Variants in BLOC1S1 observed in about 807,000 individuals in gnomAD.
BLOC1S1 encodes the protein biogenesis of lysosomal organelles complex 1 subunit 1, also known as biogenesis of lysosome-related organelles complex 1 subunit 1.
BLOC1S1 carries 11 observed loss-of-function variants against 19.0 expected under a neutral mutation model. The observed-to-expected ratio is 0.58, with a 90% CI of 0.37 to 0.96. The LOEUF is 0.96. Ranked by LOEUF, BLOC1S1 falls within the 40% of genes least tolerant of loss-of-function variation. The probability of loss-of-function intolerance (pLI) is 0.01; values close to 1 mark genes in which losing one functional copy is unlikely to be tolerated. For synonymous variants in BLOC1S1, 94 were observed against 76.4 expected (o/e 1.23, Z -1.20); for missense variants, 220 against 195.9 (o/e 1.12, Z -0.73).
chr12:55,718,291 T>TCTC (rs1460250683), intron 2 of BLOC1S1, among the ~76,000 whole-genome samples: 1 of 152,044 alleles, frequency 6.6e-6, no homozygotes, highest in African/African-American at 2.4e-5. Context: ...GGATGTGGAA[T>TCTC]CTCCTGGCTG....
In BLOC1S1 at chr12:55,719,091, T is replaced by C. The variant is rs760320006; in HGVS notation, c.219T>C (p.Gly73=). 2 of 1,613,652 alleles carry C rather than the reference T, an allele frequency of 1.2e-6. No homozygotes were observed. The highest frequency in any genetic ancestry group is 2.2e-5 in the South Asian group (2 of 91,048). Residue 73 remains glycine, a splice_region_variant and synonymous_variant, in exon 3 of 4, where the codon GGT becomes GGC. Transcript: ENST00000548925. ...TEALVDHLNV[G]VAQAYMNQRK... is the part of the protein sequence containing the mutation. Reference sequence around the variant, plus strand: ...TCTCCTCCCTCCTCCAACCCCCCAGTGTGGCCCAGGCCTACATGAACCAGA... The same window carrying C: ...TCTCCTCCCTCCTCCAACCCCCCAGCGTGGCCCAGGCCTACATGAACCAGA...
rs1194420392 is a variant in BLOC1S1, at chr12:55,719,181, C to T, written c.309C>T (p.Gly103=). The T allele has an allele frequency of 1.9e-6, 3 of 1,613,914 alleles. No individual in the cohort carries two copies. Among genetic ancestry groups the T allele is most frequent in the East Asian group, 2.2e-5 (1 of 44,830 alleles). The change falls in exon 3 of 4, where the codon GGC becomes GGT. Residue 103 remains glycine, a synonymous_variant. Transcript: ENST00000548925. ...CTGCCCAATTTGCCAAGCAGACAGG[C>T]CAGTGGATCGGAATGGTGGAGAACT... ...VQAAQFAKQT[G]QWIGMVENFN...
At chr12:55,717,409 G>A (rs931625442) in intron 2 of BLOC1S1, among the ~76,000 whole-genome samples, 17 of 152,304 alleles carry the variant, frequency 1.1e-4, no homozygotes, top group Admixed American at 6.5e-4. Context: ...CAGCTGGCAG[G>A]AAAGAGATGG....
At chr12:55,719,429 T>C in intron 3 of BLOC1S1, 70 bp from the exon 4 acceptor site, 4 of 1,472,316 alleles carry the variant, frequency 2.7e-6, no homozygotes, top group Non-Finnish European at 3.8e-6. Context: ...ATAAAACGTA[T>C]TCCCCAGACT....
intron 2 of BLOC1S1, among the ~76,000 whole-genome samples, chr12:55,718,525 T>C (rs1876743963): frequency 6.6e-6 from 1 of 152,076 alleles, no homozygotes; most frequent in African/African-American, 2.4e-5. Flanking sequence ...TGTTTGTGTG[T>C]GTTCCTTGAT....
intron 1 of BLOC1S1, chr12:55,716,549 G>A (rs1876554638): frequency 8.2e-7 from 1 of 1,216,694 alleles, no homozygotes; most frequent in Non-Finnish European, 1.0e-6. Context: ...GAACCCCCCA[G>A]AGATGGGCTT....
Position 55,716,182 on chromosome 12 carries a change from G to A in BLOC1S1, c.131G>A (p.Arg44His). Residue 44 changes from arginine to histidine, a missense_variant, in exon 1 of 4, where the codon CGC (arginine) becomes CAC (histidine). Physicochemically the swap from Arg to His is conservative, Grantham distance 29. Transcript: ENST00000548925. ...LKEHQAKQNE[R>H]KELQEKRRRE... is the part of the protein sequence containing the mutation. ...GAACACCAGGCCAAGCAGAATGAAC[G>A]CAAGGAGCTGCAGGGTGAGCCAAAT... 1 of 1,610,500 alleles carries A rather than the reference G, an allele frequency of 6.2e-7. No homozygotes were observed. The highest frequency in any genetic ancestry group is 1.7e-5 in the Admixed American group (1 of 59,596).
intron 1 of BLOC1S1, chr12:55,716,413 C>T: frequency 1.4e-6 from 2 of 1,383,372 alleles, no homozygotes; most frequent in Non-Finnish European, 1.9e-6. Context: ...CCCTCGGCAA[C>T]GCCCCCAATC....
At chr12:55,716,862 G>A (rs905090985) in intron 1 of BLOC1S1, 71 bp from the exon 2 acceptor site, 10 of 1,445,118 alleles carry the variant, frequency 6.9e-6, no homozygotes, top group Admixed American at 4.8e-5. Context: ...TAATGGATGG[G>A]TAGGGAACCT....
chr12:55,719,213 A>G lies in BLOC1S1; in HGVS notation c.341A>G (p.Gln114Arg), dbSNP rs1227501994. Reference sequence around the variant, plus strand: ...ATCGGAATGGTGGAGAACTTCAACCAGGCACTCAAGGTGGGCCATACTCCC... The same window carrying G: ...ATCGGAATGGTGGAGAACTTCAACCGGGCACTCAAGGTGGGCCATACTCCC... ...QWIGMVENFNQALKEIGDVEN... is the reference protein window; with the variant it reads ...QWIGMVENFNRALKEIGDVEN... The change falls in exon 3 of 4, where the codon CAG (glutamine) becomes CGG (arginine). Residue 114 changes from glutamine to arginine, a missense_variant. By Grantham distance (43) the Gln-to-Arg change is conservative. Coordinates refer to ENST00000548925, the MANE Select transcript of BLOC1S1 (RefSeq NM_001487.4). 6.2e-7 allele frequency: 1 copy of G among 1,613,870 alleles called. No homozygotes were observed. Among genetic ancestry groups the G allele is most frequent in the East Asian group, 2.2e-5 (1 of 44,846 alleles).
In BLOC1S1 at chr12:55,719,650, C is replaced by CT; in HGVS notation, c.*41_*42insT. 1 of 1,551,614 alleles carries CT rather than the reference C, an allele frequency of 6.4e-7. No homozygotes were observed. The highest frequency in any genetic ancestry group is 8.9e-7 in the Non-Finnish European group (1 of 1,125,052). ...CCAACCCTATCCCTCCTACCTCACC[C>CT]GCAGGGGGAAGGAGGGAGGCTGACA... is the stretch of plus-strand genomic sequence containing the variant. On this transcript the variant is annotated 3_prime_UTR_variant, in exon 4 of 4. Transcript: ENST00000548925.
At chr12:55,716,500 C>T in intron 1 of BLOC1S1, 1 of 1,239,336 alleles carries the variant, frequency 8.1e-7, no homozygotes, top group Non-Finnish European at 1.0e-6. Context: ...CTCGTCCTGG[C>T]GGCGGGAAGG....
In BLOC1S1 at chr12:55,719,172, G is replaced by A; in HGVS notation, c.300G>A (p.Lys100=). 1 of 1,613,968 alleles carries A rather than the reference G, an allele frequency of 6.2e-7. No homozygotes were observed. Residue 100 remains lysine (K), a synonymous_variant, in exon 3 of 4, where the codon AAG becomes AAA. Coordinates refer to ENST00000548925, the MANE Select transcript of BLOC1S1 (RefSeq NM_001487.4). ...AGGTCCAGGCTGCCCAATTTGCCAA[G>A]CAGACAGGCCAGTGGATCGGAATGG... ...TLQVQAAQFA[K]QTGQWIGMVE...
intron 1 of BLOC1S1, chr12:55,716,648 G>A (rs1320929402): frequency 3.2e-5 from 40 of 1,266,736 alleles, no homozygotes; most frequent in Non-Finnish European, 4.0e-5. Flanking sequence ...TTCTGCGGCC[G>A]AGTAGTGGAG....
rs973830146 is a variant in BLOC1S1, at chr12:55,716,521, G to A, written c.145+325G>A. On this transcript the variant is annotated intron_variant, in intron 1 of 3. Coordinates refer to ENST00000548925, the MANE Select transcript of BLOC1S1 (RefSeq NM_001487.4). ...CTGGCGGCGGGAAGGAGCGACTCTG[G>A]AGGGAGGAGGGTGTGGGGAACCCCC... 18 of 1,245,412 alleles carry A rather than the reference G, an allele frequency of 1.4e-5. No homozygotes were observed. The South Asian group carries it at 3.2e-4, about 22-fold the overall frequency. The allele number at this position is 1,245,412 out of a possible 1,614,324, so 77.1% of individuals were successfully genotyped here.
In BLOC1S1 at chr12:55,716,094, C is replaced by G. The variant is rs555408502; in HGVS notation, c.43C>G (p.Arg15Gly). 1 of 1,591,112 alleles carries G rather than the reference C, an allele frequency of 6.3e-7. No homozygotes were observed. Among genetic ancestry groups the G allele is most frequent in the Admixed American group, 1.8e-5 (1 of 56,304 alleles). ...SRGERSSFRS[R>G]RGPGVPSPQP... ...AGGTGAGCGTTCCAGCTTCCGGAGC[C>G]GGAGGGGGCCCGGCGTACCCAGCCC... The change falls in exon 1 of 4, where the codon CGG (arginine) becomes GGG (glycine). Residue 15 changes from arginine (R) to glycine (G), a missense_variant. By Grantham distance (125) the Arg-to-Gly change is moderately radical (BLOSUM62 -2). Transcript: ENST00000548925.
At chr12:55,718,864 T>C (rs1186321710) in intron 2 of BLOC1S1, among the ~76,000 whole-genome samples, 1 of 152,042 alleles carries the variant, frequency 6.6e-6, no homozygotes, top group Non-Finnish European at 1.5e-5. Flanking sequence ...TTGGAGCTGG[T>C]ATGTTTCTAG....
chr12:55,716,957 C>T lies in BLOC1S1; in HGVS notation c.170C>T (p.Thr57Ile). ...LQEKRRREAI[T>I]AATCLTEALV... Reference sequence around the variant, plus strand: ...GAAAAGAGGAGGCGAGAGGCTATCACTGCAGCGACCTGCCTGACAGAAGCT... The same window carrying T: ...GAAAAGAGGAGGCGAGAGGCTATCATTGCAGCGACCTGCCTGACAGAAGCT... The change falls in exon 2 of 4, where the codon ACT (threonine) becomes ATT (isoleucine). Residue 57 changes from threonine (T) to isoleucine (I), a missense_variant. Thr to Ile is a moderately conservative substitution (Grantham distance 89, BLOSUM62 -1). Coordinates refer to ENST00000548925, the MANE Select transcript of BLOC1S1 (RefSeq NM_001487.4). 3 of 1,597,226 alleles carry T rather than the reference C, an allele frequency of 1.9e-6. No homozygotes were observed. Among genetic ancestry groups the T allele is most frequent in the Non-Finnish European group, 2.6e-6 (3 of 1,173,000 alleles).
chr12:55,716,834 C>A, intron 1 of BLOC1S1, 99 bp from the exon 2 acceptor site: 1 of 1,327,174 alleles, frequency 7.5e-7, no homozygotes, highest in Non-Finnish European at 1.0e-6. Context: ...TAAGAAATTT[C>A]GGCAACTAGC....
Sources: gnomAD v4.1 joint callset for allele counts (sites outside exome capture counted in the v4.1 genomes callset) on GRCh38, gnomAD v4.1.1 for gene constraint, MANE v1.5 for transcripts, NCBI Gene and HGNC (gene_info 2026-07-23, HGNC 2026-07-21) for gene names.